The following DPP10 variants were observed in gnomAD, a reference collection of about 807,000 sequenced individuals.
DPP10 encodes inactive dipeptidyl peptidase 10.
Under a neutral mutation model 120.9 loss-of-function variants are expected in DPP10, and 33 were observed. That is an observed-to-expected ratio of 0.27 (90% confidence interval 0.21 to 0.37). The LOEUF (loss-of-function observed/expected upper bound fraction) is 0.37. DPP10 is among the 10% of genes least tolerant of loss of function. DPP10 has a pLI of 1.00. For synonymous variants in DPP10, 337 were observed against 326.1 expected, an observed-to-expected ratio of 1.03 and a Z score of -0.36; for missense variants, 816 against 942.8, an observed-to-expected ratio of 0.87 and a Z score of 1.76.
intron 7 of DPP10, among the ~76,000 whole-genome samples, chr2:115,727,187 ACT>A (rs2149636392): frequency 6.6e-6 from 1 of 151,990 alleles, no homozygotes; most frequent in African/African-American, 2.4e-5. Context: ...TCAAATTAAG[ACT>A]CTCTCTGGAA....
chr2:115,474,041 C>T (rs1047137597), intron 3 of DPP10, among the ~76,000 whole-genome samples: 11 of 152,136 alleles, frequency 7.2e-5, no homozygotes, highest in Non-Finnish European at 1.2e-4. Context: ...GAGATGACGT[C>T]GTGACCTTTA....
intron 7 of DPP10, among the ~76,000 whole-genome samples, chr2:115,705,466 G>A (rs1182452693): frequency 6.6e-6 from 1 of 151,836 alleles, no homozygotes; most frequent in Non-Finnish European, 1.5e-5. Context: ...GAAAGTCTTG[G>A]CCTTAGAGTC....
chr2:114,538,257 G>T (rs1686674563), intron 1 of DPP10, among the ~76,000 whole-genome samples: 1 of 152,180 alleles, frequency 6.6e-6, no homozygotes, highest in Non-Finnish European at 1.5e-5. Context: ...TCTGCTTGAT[G>T]AACAGAGAAG....
intron 1 of DPP10, among the ~76,000 whole-genome samples, chr2:114,736,968 G>T (rs963537075): frequency 2.0e-5 from 3 of 152,144 alleles, no homozygotes; most frequent in Non-Finnish European, 4.4e-5. Flanking sequence ...GTATTAGGAA[G>T]AACATAGAAA....
intron 1 of DPP10, among the ~76,000 whole-genome samples, chr2:114,836,913 A>T (rs1171273217): frequency 6.6e-6 from 1 of 152,198 alleles, no homozygotes; most frequent in Non-Finnish European, 1.5e-5. Flanking sequence ...AAAGAAGAGA[A>T]ATATGGCTCT....
chr2:115,539,056 C>G (rs2079033379), intron 5 of DPP10, among the ~76,000 whole-genome samples: 1 of 151,742 alleles, frequency 6.6e-6, no homozygotes, highest in Admixed American at 6.6e-5. Flanking sequence ...GGTTACATTT[C>G]TGTTGCTCAG....
intron 1 of DPP10, among the ~76,000 whole-genome samples, chr2:114,525,935 T>C (rs1685463739): frequency 6.6e-6 from 1 of 152,196 alleles, no homozygotes; most frequent in Admixed American, 6.5e-5. Context: ...TAGCTCTTCT[T>C]TCAAATGTCT....
intron 1 of DPP10, among the ~76,000 whole-genome samples, chr2:114,452,216 A>T (rs919944927): frequency 6.6e-6 from 1 of 152,162 alleles, no homozygotes; most frequent in Non-Finnish European, 1.5e-5. Flanking sequence ...TGTTAATAGC[A>T]TTGTGTATAA....
At chr2:115,508,190 T>G (rs976488258) in intron 4 of DPP10, among the ~76,000 whole-genome samples, 11 of 152,114 alleles carry the variant, frequency 7.2e-5, no homozygotes, top group Non-Finnish European at 1.3e-4. Context: ...ATTAACAAAT[T>G]TATAATAAAT....
At chr2:114,861,308 C>T (rs2106528274) in intron 1 of DPP10, among the ~76,000 whole-genome samples, 1 of 152,276 alleles carries the variant, frequency 6.6e-6, no homozygotes, top group African/African-American at 2.4e-5. Context: ...GGAAGTGATT[C>T]TGCCCAACTC....
intron 1 of DPP10, among the ~76,000 whole-genome samples, chr2:114,750,858 G>A (rs1418553961): frequency 6.6e-6 from 1 of 152,168 alleles, no homozygotes; most frequent in African/African-American, 2.4e-5. Flanking sequence ...CTAAAGCTGA[G>A]GATTATTTGT....
intron 5 of DPP10, among the ~76,000 whole-genome samples, chr2:115,581,261 G>A (rs887562440): frequency 6.6e-6 from 1 of 152,150 alleles, no homozygotes; most frequent in African/African-American, 2.4e-5. Flanking sequence ...AGTGCTCTTA[G>A]TAGTAGTACT....
chr2:115,449,800 T>C (rs1199477603), intron 3 of DPP10, among the ~76,000 whole-genome samples: 1 of 152,070 alleles, frequency 6.6e-6, no homozygotes, highest in Admixed American at 6.6e-5. Context: ...TGTAATTGAG[T>C]TTGTGCCATA....
chr2:115,793,594 C>T (rs1421082951), intron 19 of DPP10, among the ~76,000 whole-genome samples: 1 of 151,712 alleles, frequency 6.6e-6, no homozygotes, highest in Non-Finnish European at 1.5e-5. Flanking sequence ...ATTTAATGCC[C>T]ATAAAGTTAT....
intron 5 of DPP10, among the ~76,000 whole-genome samples, chr2:115,633,348 A>G (rs9710747): frequency 0.99 from 149,798 of 152,052 alleles, 73,832 homozygotes; most frequent in Non-Finnish European, 1. Flanking sequence ...ACCAAACACC[A>G]CATGTTCTCA....
intron 19 of DPP10, among the ~76,000 whole-genome samples, chr2:115,799,933 C>A (rs898801212): frequency 2.6e-5 from 4 of 151,864 alleles, no homozygotes; most frequent in African/African-American, 9.7e-5. Flanking sequence ...GATTTATAAT[C>A]CTTTGGGTAT....
rs142690627 is a variant in DPP10 at position 114,519,913 on chromosome 2, C to A, written c.60+77075C>A. On this transcript the variant is annotated intron_variant, in intron 1 of 25. Transcript: ENST00000410059. ...GATTTACATGAGGTTATTTCACATTCCTCTTCATGTATTGCGATGGGGTTG... is the reference window on the plus strand; with the variant it reads ...GATTTACATGAGGTTATTTCACATTACTCTTCATGTATTGCGATGGGGTTG... 2.5e-3 allele frequency among the ~76,000 whole-genome samples: 385 copies of A among 152,298 alleles called. 2 individuals are homozygous for A. Among genetic ancestry groups the A allele is most frequent in the African/African-American group, 8.9e-3 (371 of 41,574 alleles).
At chr2:114,915,315 T>C (rs1294679670) in intron 1 of DPP10, among the ~76,000 whole-genome samples, 1 of 152,236 alleles carries the variant, frequency 6.6e-6, no homozygotes, top group Non-Finnish European at 1.5e-5. Context: ...GTTTTAACTA[T>C]TCTAAATATT....
chr2:114,571,931 TGTA>T (rs1043976831), intron 1 of DPP10, among the ~76,000 whole-genome samples: 59 of 148,596 alleles, frequency 4.0e-4, no homozygotes, highest in African/African-American at 1.3e-3. Flanking sequence ...ATTGTGTACA[TGTA>T]GTATATAATA....
Sources: gnomAD v4.1 joint callset for allele counts (sites outside exome capture counted in the v4.1 genomes callset) on GRCh38, gnomAD v4.1.1 for gene constraint, MANE v1.5 for transcripts, NCBI Gene and HGNC (gene_info 2026-07-23, HGNC 2026-07-21) for gene names.